EDIL3: variants seen among roughly 807,000 people sequenced by gnomAD.
The protein encoded by EDIL3 is EGF-like repeat and discoidin I-like domain-containing protein 3.
Under a neutral mutation model 67.4 loss-of-function variants are expected in EDIL3, and 37 were observed. The ratio of observed to expected loss-of-function variants is 0.55; its 90% CI spans 0.42 to 0.72. EDIL3 has a LOEUF of 0.72. EDIL3 is among the 30% of genes least tolerant of loss of function. The pLI is 0.00. For missense variants in EDIL3, 527 were observed against 586.3 expected, an observed-to-expected ratio of 0.90 and a Z score of 1.04; for synonymous variants, 195 against 196.3, an observed-to-expected ratio of 0.99 and a Z score of 0.05.
chr5:84,157,731 AAAG>A (rs3836851), intron 4 of EDIL3, among the ~76,000 whole-genome samples: 3 of 151,468 alleles, frequency 2.0e-5, no homozygotes, highest in Non-Finnish European at 4.4e-5. Context: ...GAATGATACA[AAAG>A]AAGAAGATTT....
chr5:84,050,648 G>A (rs1746317793), intron 9 of EDIL3, among the ~76,000 whole-genome samples: 1 of 152,180 alleles, frequency 6.6e-6, no homozygotes, highest in East Asian at 1.9e-4. Flanking sequence ...CTTAGCAAAC[G>A]GCACACCAGG....
intron 9 of EDIL3, among the ~76,000 whole-genome samples, chr5:83,978,456 A>C (rs1436983193): frequency 2.6e-5 from 4 of 151,988 alleles, no homozygotes; most frequent in African/African-American, 7.2e-5. Flanking sequence ...TAAAAACAAA[A>C]TTCCTTCAGA....
intron 3 of EDIL3, among the ~76,000 whole-genome samples, chr5:84,228,826 T>A (rs760470553): frequency 6.6e-6 from 1 of 152,114 alleles, no homozygotes; most frequent in Non-Finnish European, 1.5e-5. Context: ...TTGAAGTAAG[T>A]CAGGCCTATG....
intron 1 of EDIL3, among the ~76,000 whole-genome samples, chr5:84,382,167 C>A (rs1247851762): frequency 1.3e-5 from 2 of 152,188 alleles, no homozygotes; most frequent in Non-Finnish European, 2.9e-5. Context: ...CAAGCCTTTC[C>A]CCTGTCCTCA....
chr5:84,117,059 G>C (rs559077241), intron 5 of EDIL3, among the ~76,000 whole-genome samples: 1 of 115,150 alleles, frequency 8.7e-6, no homozygotes, highest in African/African-American at 3.4e-5. Context: ...ACGGAGTCTC[G>C]CTCTGTGGCC....
intron 10 of EDIL3, among the ~76,000 whole-genome samples, chr5:83,961,125 G>C (rs1433005862): frequency 2.7e-5 from 4 of 150,818 alleles, no homozygotes; most frequent in Non-Finnish European, 4.5e-5. Flanking sequence ...ATAGTACCAG[G>C]GGTACAGAAG....
chr5:84,254,190 T>A lies in EDIL3; in HGVS notation c.90A>T (p.Pro30=). The A allele has an allele frequency of 1.2e-6, 2 of 1,612,096 alleles. 1 individual carries two copies. Among genetic ancestry groups the A allele is most frequent in the South Asian group, 2.2e-5 (2 of 90,584 alleles). The change falls in exon 2 of 11, where the codon CCA becomes CCT. Residue 30 remains proline (P), a synonymous_variant. Transcript: ENST00000296591. The part of the protein sequence containing the change: ...FGKGDICDPN[P]CENGGICLPG... ...GCAAACAGATACCTCCATTTTCACA[T>A]GGATTGGGATCACAAATATCACCTA...
intron 1 of EDIL3, among the ~76,000 whole-genome samples, chr5:84,372,404 G>T (rs958573634): frequency 6.6e-6 from 1 of 152,140 alleles, no homozygotes; most frequent in African/African-American, 2.4e-5. Context: ...TGGTAATAAT[G>T]TTAATTGTTT....
intron 1 of EDIL3, among the ~76,000 whole-genome samples, chr5:84,376,102 A>G (rs1027443587): frequency 2.6e-5 from 4 of 152,222 alleles, no homozygotes; most frequent in African/African-American, 9.6e-5. Context: ...TAATTTTAAC[A>G]TGCTACTTAG....
chr5:84,198,783 G>A (rs1405585736), intron 3 of EDIL3, among the ~76,000 whole-genome samples: 2 of 152,004 alleles, frequency 1.3e-5, no homozygotes, highest in African/African-American at 2.4e-5. Flanking sequence ...GCAGACATTT[G>A]GATCTGGCCA....
intron 1 of EDIL3, among the ~76,000 whole-genome samples, chr5:84,348,564 C>CT (rs1474723604): frequency 2.0e-5 from 3 of 149,942 alleles, no homozygotes; most frequent in Non-Finnish European, 3.0e-5. Flanking sequence ...CTGGATTATC[C>CT]TTTTTTTGTC....
intron 5 of EDIL3, among the ~76,000 whole-genome samples, chr5:84,108,357 AG>A (rs1421297872): frequency 6.6e-6 from 1 of 152,134 alleles, no homozygotes; most frequent in Non-Finnish European, 1.5e-5. Context: ...ACATTAATAC[AG>A]TAAAAATTGC....
chr5:83,951,827 C>T (rs1035817185), intron 10 of EDIL3, among the ~76,000 whole-genome samples: 30 of 151,638 alleles, frequency 2.0e-4, no homozygotes, highest in African/African-American at 6.5e-4. Flanking sequence ...TCTGGCTTTT[C>T]GTAGAAGAGT....
intron 4 of EDIL3, among the ~76,000 whole-genome samples, chr5:84,176,590 C>T (rs1340194403): frequency 6.6e-6 from 1 of 151,496 alleles, no homozygotes; most frequent in Non-Finnish European, 1.5e-5. Flanking sequence ...ACATTTGTTA[C>T]CAGGCAATAC....
intron 1 of EDIL3, among the ~76,000 whole-genome samples, chr5:84,281,331 A>G (rs1023767136): frequency 3.3e-5 from 5 of 152,222 alleles, no homozygotes; most frequent in Admixed American, 1.3e-4. Flanking sequence ...TGTGGGTTCT[A>G]TCATGTCTGA....
intron 9 of EDIL3, among the ~76,000 whole-genome samples, chr5:84,031,899 C>T (rs1276126883): frequency 6.6e-6 from 1 of 152,120 alleles, no homozygotes; most frequent in African/African-American, 2.4e-5. Context: ...GGATATGTTA[C>T]CACAGAATCT....
At chr5:84,257,726 G>A (rs1243936982) in intron 1 of EDIL3, among the ~76,000 whole-genome samples, 1 of 152,194 alleles carries the variant, frequency 6.6e-6, no homozygotes, top group South Asian at 2.1e-4. Context: ...TATATAAGTA[G>A]ATGTAGAATT....
chr5:84,005,588 C>T (rs913467587), intron 9 of EDIL3, among the ~76,000 whole-genome samples: 2 of 152,096 alleles, frequency 1.3e-5, no homozygotes, highest in African/African-American at 4.8e-5. Context: ...ATGATCACCT[C>T]AATAGATGCA....
intron 4 of EDIL3, among the ~76,000 whole-genome samples, chr5:84,178,646 CAGAG>C (rs1228438508): frequency 6.6e-6 from 1 of 152,170 alleles, no homozygotes; most frequent in African/African-American, 2.4e-5. Context: ...CTAAAAATCA[CAGAG>C]AGATCAAATG....
Sources: gnomAD v4.1 joint callset for allele counts (sites outside exome capture counted in the v4.1 genomes callset) on GRCh38, gnomAD v4.1.1 for gene constraint, MANE v1.5 for transcripts, NCBI Gene and HGNC (gene_info 2026-07-23, HGNC 2026-07-21) for gene names.